SON: variants seen among roughly 807,000 people sequenced by gnomAD.
The protein encoded by SON is protein SON.
In SON, 4 loss-of-function variants were observed where a neutral mutation model predicts 173.3. That is an observed-to-expected ratio of 0.02 (90% CI 0.01 to 0.05). The LOEUF (loss-of-function observed/expected upper bound fraction) is 0.05. SON is among the 10% of genes least tolerant of loss of function. The pLI is 1.00. For missense variants in SON, 2,626 were observed against 3,055.3 expected (o/e 0.86, Z 3.31); for synonymous variants, 1,190 against 1,105.9 (o/e 1.08, Z -1.51).
chr21:33,571,235 T>A (rs2086278082), intron 8 of SON, among the ~76,000 whole-genome samples: 1 of 152,162 alleles, frequency 6.6e-6, no homozygotes, highest in Non-Finnish European at 1.5e-5. Flanking sequence ...AAAGAAACTT[T>A]TGAAAATTAA....
In SON at chr21:33,559,428, TTAAA is replaced by T. The variant is rs1176966610; in HGVS notation, c.6468+57_6468+60del. ...AAAACAGTGTAACTTGTGGAACTATTTAAATAAAACCCAAATCGAATTTAGTTTA... is the reference window on the plus strand; with the variant it reads ...AAAACAGTGTAACTTGTGGAACTATTTAAAACCCAAATCGAATTTAGTTTA... On this transcript the variant is annotated intron_variant, in intron 5 of 11. Transcript: ENST00000356577. This position sits in a 1 kb window ranked among gnomAD's most constrained non-coding sequence, Gnocchi z 4.1. 1.9e-6 allele frequency: 3 copies of T among 1,541,960 alleles called. No individual in the cohort carries two copies. The highest frequency in any genetic ancestry group is 2.8e-5 in the African/African-American group (2 of 71,782).
chr21:33,549,463 C>G lies in SON; in HGVS notation c.245-13C>G, dbSNP rs1265957745. Reference sequence around the variant, plus strand: ...GGGGAATGTCTGACAAAATTAATTTCTATTACTTTTAGACTTGAAAGAGGG... The same window carrying G: ...GGGGAATGTCTGACAAAATTAATTTGTATTACTTTTAGACTTGAAAGAGGG... On this transcript the variant is annotated splice_polypyrimidine_tract_variant and intron_variant, in intron 2 of 11. Coordinates refer to ENST00000356577, the MANE Select transcript of SON (RefSeq NM_138927.4). 2 of 1,516,442 alleles carry G rather than the reference C, an allele frequency of 1.3e-6. No homozygotes were observed. Among genetic ancestry groups the G allele is most frequent in the Non-Finnish European group, 1.8e-6 (2 of 1,138,200 alleles). The allele number at this position is 1,516,442 out of a possible 1,614,324, so 93.9% of individuals were successfully genotyped here.
intron 7 of SON, among the ~76,000 whole-genome samples, chr21:33,568,222 G>A (rs752181089): frequency 6.6e-5 from 10 of 152,256 alleles, no homozygotes; most frequent in Non-Finnish European, 8.8e-5. Flanking sequence ...GCCGGGTGCA[G>A]TGGCTCACGC....
chr21:33,553,229 C>G lies in SON; in HGVS notation c.3998C>G (p.Ala1333Gly). 1 of 1,614,154 alleles carries G rather than the reference C, an allele frequency of 6.2e-7. No individual in the cohort carries two copies. ...GTATCTACATCCTTGTTGGTTCCAG[C>G]AGTAACTACTCCAGTGCTGGCAGAG... The part of the protein sequence containing the change: ...SEVSTSLLVP[A>G]VTTPVLAESI... The change falls in exon 3 of 12, where the codon GCA becomes GGA. Residue 1333 changes from alanine to glycine, a missense_variant. Coordinates refer to ENST00000356577, the MANE Select transcript of SON (RefSeq NM_138927.4).
chr21:33,551,386 A>G lies in SON; in HGVS notation c.2155A>G (p.Asn719Asp), dbSNP rs376423140. The G allele has an allele frequency of 5.0e-6, 8 of 1,614,016 alleles. No homozygotes were observed. The highest frequency in any genetic ancestry group is 1.1e-5 in the South Asian group (1 of 91,090). The change falls in exon 3 of 12, where the codon AAC (asparagine) becomes GAC (aspartate). Residue 719 changes from asparagine to aspartate, a missense_variant. Physicochemically the swap from Asn to Asp is conservative, Grantham distance 23. Transcript: ENST00000356577. ...MAPESHILAS[N>D]TMETHILASN... Reference sequence around the variant, plus strand: ...CCCAGAATCCCATATATTAGCTTCTAACACCATGGAGACCCATATATTAGC... The same window carrying G: ...CCCAGAATCCCATATATTAGCTTCTGACACCATGGAGACCCATATATTAGC...
intron 2 of SON, among the ~76,000 whole-genome samples, chr21:33,547,269 A>G (rs2085640090): frequency 6.6e-6 from 1 of 152,116 alleles, no homozygotes; most frequent in African/African-American, 2.4e-5. Flanking sequence ...GGCGTGAGCC[A>G]CCGCGCCCGG....
rs367699070 is a variant in SON at position 33,552,226 on chromosome 21, A to G, written c.2995A>G (p.Met999Val). The G allele has an allele frequency of 6.2e-6, 10 of 1,614,050 alleles. No individual in the cohort carries two copies. Among genetic ancestry groups the G allele is most frequent in the Admixed American group, 1.7e-5 (1 of 60,012 alleles). ...RPLMLASRRS[M>V]MMSYAAERSM... ...CCTGATGTTAGCATCTAGACGTTCT[A>G]TGATGATGTCCTATGCTGCAGAACG... The change falls in exon 3 of 12, where the codon ATG becomes GTG. Residue 999 changes from methionine to valine, a missense_variant. Physicochemically the swap from Met to Val is conservative, Grantham distance 21. Transcript: ENST00000356577. This position sits in a 1 kb window ranked among gnomAD's most constrained non-coding sequence, Gnocchi z 5.6.
At position 33,550,423 on chromosome 21, in the gene SON, C is replaced by T. The variant is rs990475268; in HGVS notation, c.1192C>T (p.Pro398Ser). 7 of 1,613,632 alleles carry T rather than the reference C, an allele frequency of 4.3e-6. No homozygotes were observed. The highest frequency in any genetic ancestry group is 5.9e-6 in the Non-Finnish European group (7 of 1,179,934). ...ATSMPELQGPPVTPVLELPGP... is the reference protein window; with the variant it reads ...ATSMPELQGPSVTPVLELPGP... ...CTCCATGCCGGAGTTGCAGGGGCCC[C>T]CTGTGACTCCAGTGCTGGAGTTACC... The change falls in exon 3 of 12, where the codon CCT (proline) becomes TCT (serine). Residue 398 changes from proline (P) to serine (S), a missense_variant. Physicochemically the swap from Pro to Ser is moderately conservative, Grantham distance 74. Coordinates refer to ENST00000356577, the MANE Select transcript of SON (RefSeq NM_138927.4).
intron 6 of SON, among the ~76,000 whole-genome samples, chr21:33,561,310 A>C (rs1419378867): frequency 2.0e-5 from 3 of 152,150 alleles, no homozygotes; most frequent in African/African-American, 7.2e-5. Flanking sequence ...GTTAACTGAC[A>C]TGTGCAGCTG....
At chr21:33,565,038 C>G (rs544703457) in intron 6 of SON, among the ~76,000 whole-genome samples, 1 of 152,106 alleles carries the variant, frequency 6.6e-6, no homozygotes, top group South Asian at 2.1e-4. Context: ...AATAAAATTC[C>G]TTTCAGAATC....
At chr21:33,561,223 T>G (rs1311899551) in intron 6 of SON, among the ~76,000 whole-genome samples, 2 of 152,106 alleles carry the variant, frequency 1.3e-5, no homozygotes, top group African/African-American at 4.8e-5. Flanking sequence ...AGATAGTTGG[T>G]TTGGATAATA....
intron 6 of SON, chr21:33,560,456 A>T: frequency 1.9e-6 from 2 of 1,059,282 alleles, no homozygotes; most frequent in Non-Finnish European, 2.3e-6. Context: ...TGAAATTTCC[A>T]CGGGGCTATA....
Position 33,554,316 on chromosome 21 carries a change from G to A in SON, c.5085G>A (p.Leu1695=), listed in dbSNP as rs1485438124. 2 of 1,614,046 alleles carry A rather than the reference G, an allele frequency of 1.2e-6. No individual in the cohort carries two copies. Among genetic ancestry groups the A allele is most frequent in the East Asian group, 2.2e-5 (1 of 44,892 alleles). The change falls in exon 3 of 12, where the codon CTG becomes CTA. Residue 1695 remains leucine, a synonymous_variant. Transcript: ENST00000356577. ...VKESDQTLAA[L]LSPKESSGGE... The stretch of plus-strand genomic sequence containing the variant: ...AGAGTGACCAGACATTAGCAGCTCT[G>A]CTCAGCCCTAAAGAAAGTAGTGGAG...
chr21:33,546,531 G>T, intron 2 of SON, 152 bp downstream of exon 2: 1 of 544,742 alleles, frequency 1.8e-6, no homozygotes. Flanking sequence ...TGTAATCCCA[G>T]CACTTTGGGA....
chr21:33,553,521 T>C lies in SON; in HGVS notation c.4290T>C (p.Ser1430=), dbSNP rs539469832. The change falls in exon 3 of 12, where the codon TCT becomes TCC. Residue 1430 remains serine (S), a synonymous_variant. Coordinates refer to ENST00000356577, the MANE Select transcript of SON (RefSeq NM_138927.4). ...LEPAVSVLQP[S]MIVSEPSVSV... ...CAGCGGTGTCAGTCCTTCAACCTTCTATGATTGTTTCAGAACCATCTGTTT... is the reference window on the plus strand; with the variant it reads ...CAGCGGTGTCAGTCCTTCAACCTTCCATGATTGTTTCAGAACCATCTGTTT... 2 of 1,614,226 alleles carry C rather than the reference T, an allele frequency of 1.2e-6. No individual in the cohort carries two copies. The highest frequency in any genetic ancestry group is 3.3e-5 in the Admixed American group (2 of 60,022).
At chr21:33,562,988 G>C (rs1410157891) in intron 6 of SON, among the ~76,000 whole-genome samples, 2 of 152,080 alleles carry the variant, frequency 1.3e-5, no homozygotes, top group Non-Finnish European at 2.9e-5. Context: ...TTTATGTTAA[G>C]CAGTTTACTG....
chr21:33,565,222 A>G (rs1342382933), intron 6 of SON, among the ~76,000 whole-genome samples: 1 of 152,264 alleles, frequency 6.6e-6, no homozygotes, highest in African/African-American at 2.4e-5. Context: ...TTTTAGAGCC[A>G]TCTGAATAGA....
At chr21:33,565,186 G>A (rs1312806809) in intron 6 of SON, among the ~76,000 whole-genome samples, 1 of 152,164 alleles carries the variant, frequency 6.6e-6, no homozygotes, top group Non-Finnish European at 1.5e-5. Flanking sequence ...CACTTGGAAA[G>A]AATTAGTTTT....
chr21:33,555,235 A>G lies in SON; in HGVS notation c.6004A>G (p.Arg2002Gly), dbSNP rs772388813. The G allele has an allele frequency of 4.4e-6, 7 of 1,608,996 alleles. No individual in the cohort carries two copies. The highest frequency in any genetic ancestry group is 1.3e-5 in the African/African-American group (1 of 74,372). The change falls in exon 3 of 12, where the codon AGG (arginine) becomes GGG (glycine). Residue 2002 changes from arginine to glycine, a missense_variant. Arg to Gly is a moderately radical substitution (Grantham distance 125, BLOSUM62 -2). Coordinates refer to ENST00000356577, the MANE Select transcript of SON (RefSeq NM_138927.4). ...SRTPSRRRRS[R>G]SVVRRRSFSI... ...CACCCCAAGCCGCCGGAGAAGATCA[A>G]GGTCTGTGGTAAGAAGACGAAGCTT...
Sources: allele counts gnomAD v4.1 joint callset (sites outside exome capture counted in the v4.1 genomes callset), GRCh38; gene constraint gnomAD v4.1.1; non-coding constraint Gnocchi (gnomAD v3.1); transcripts MANE v1.5; gene names NCBI Gene and HGNC (gene_info 2026-07-23, HGNC 2026-07-21).